The following CKB variants were observed in gnomAD, a reference collection of about 807,000 sequenced individuals.
The protein encoded by CKB is creatine kinase B, also known as creatine kinase B-type.
Under a neutral mutation model 36.9 loss-of-function variants are expected in CKB, and 15 were observed. That is an observed-to-expected ratio of 0.41 (90% confidence interval 0.27 to 0.63). The LOEUF (loss-of-function observed/expected upper bound fraction) is 0.63. Ranked by LOEUF, CKB falls within the 20% of genes least tolerant of loss-of-function variation. The pLI is 0.34. For missense variants in CKB, 413 were observed against 534.9 expected, an observed-to-expected ratio of 0.77 and a Z score of 2.25; for synonymous variants, 250 against 228.2, an observed-to-expected ratio of 1.10 and a Z score of -0.86.
At chr14:103,520,090 C>CCA in intron 7 of CKB, 32 bp downstream of exon 7, 1 of 1,602,898 alleles carries the variant, frequency 6.2e-7, no homozygotes, top group Non-Finnish European at 8.5e-7. Context: ...TGCCCAAAGG[C>CCA]CACGGGAAGC....
At chr14:103,521,222 G>C (rs1253217017) in intron 5 of CKB, 41 bp downstream of exon 5, 6 of 1,543,216 alleles carry the variant, frequency 3.9e-6, no homozygotes, top group Non-Finnish European at 4.4e-6. Flanking sequence ...GGAGGTAGCG[G>C]GGAGGGAGGA....
At chr14:103,521,989 G>GCCCCC in intron 3 of CKB, 34 bp downstream of exon 3, 27 of 1,542,752 alleles carry the variant, frequency 1.8e-5, no homozygotes, top group Non-Finnish European at 2.2e-5. Context: ...GAAGACCCCG[G>GCCCCC]CCCCGCCCGC....
rs753527319 is a variant in CKB, at chr14:103,521,415, GC to G, written c.500del (p.Gly167AlafsTer13). The G allele has an allele frequency of 2.5e-6, 4 of 1,601,736 alleles. No homozygotes were observed. In the African/African-American group the frequency reaches 5.4e-5, roughly 22 times the overall value. ...LAVEALSSLD[G>X]DLAGRYYALK... ...GCGCGTAGTATCGGCCCGCCAGGTC[GC>G]CGTCCAGGCTGGACAGGGCTGCGAG... On this transcript the variant is annotated frameshift_variant, in exon 5 of 8. Transcript: ENST00000348956. LOFTEE classifies it high-confidence loss of function.
chr14:103,520,743 G>GCGGGGGAAC (rs377185034), intron 5 of CKB, 151 bp from the exon 6 acceptor site: 1 of 1,129,926 alleles, frequency 8.9e-7, no homozygotes, highest in East Asian at 2.7e-5. Flanking sequence ...CACGGGGCGG[G>GCGGGGGAAC]CGGGGGAACC....
intron 4 of CKB, 100 bp downstream of exon 4, chr14:103,521,718 C>T (rs1035941297): frequency 1.6e-6 from 2 of 1,250,654 alleles, no homozygotes; most frequent in East Asian, 3.2e-5. Flanking sequence ...AAGAGCGCGA[C>T]GGCGGCTGCC....
chr14:103,521,104 G>A (rs1182860794), intron 5 of CKB, 159 bp downstream of exon 5: 2 of 914,302 alleles, frequency 2.2e-6, no homozygotes, highest in African/African-American at 1.6e-5. Flanking sequence ...CGCAGGAGGA[G>A]GCGCGGCACG....
At position 103,519,840 on chromosome 14, in the gene CKB, C is replaced by A; in HGVS notation, c.*24G>T. The A allele has an allele frequency of 6.3e-7, 1 of 1,578,138 alleles. No homozygotes were observed. Among genetic ancestry groups the A allele is most frequent in the South Asian group, 1.1e-5 (1 of 87,318 alleles). Reference sequence around the variant, plus strand: ...GGCAATAAGTTAGGAAGCAGCAGGGCTGGTGTCGGGTGTGGGCCGGGCTTC... The same window carrying A: ...GGCAATAAGTTAGGAAGCAGCAGGGATGGTGTCGGGTGTGGGCCGGGCTTC... On this transcript the variant is annotated 3_prime_UTR_variant, in exon 8 of 8. Transcript: ENST00000348956.
chr14:103,521,130 G>A (rs771562633), intron 5 of CKB, 133 bp downstream of exon 5: 26 of 1,128,194 alleles, frequency 2.3e-5, no homozygotes, highest in Non-Finnish European at 3.1e-5. Context: ...CAGACCCGGA[G>A]CGCGGCCGGC....
At position 103,522,285 on chromosome 14, in the gene CKB, C is replaced by T. The variant is rs1230339275; in HGVS notation, c.193+16G>A. On this transcript the variant is annotated intron_variant, in intron 2 of 7. Transcript: ENST00000348956. The surrounding 1 kb of genome is among the most constrained non-coding windows in gnomAD (Gnocchi z 6.7). Reference sequence around the variant, plus strand: ...GGGAGGGGGGGCCGGGACCCCGGCCCCGAGGGGTCGCGTACCCGGGTTGTC... The same window carrying T: ...GGGAGGGGGGGCCGGGACCCCGGCCTCGAGGGGTCGCGTACCCGGGTTGTC... 1.3e-6 allele frequency: 2 copies of T among 1,596,034 alleles called. No homozygotes were observed. Among genetic ancestry groups the T allele is most frequent in the Non-Finnish European group, 8.5e-7 (1 of 1,174,512 alleles).
chr14:103,522,697 G>A lies in CKB; in HGVS notation c.-13+69C>T, dbSNP rs2075913281. The A allele has an allele frequency of 6.0e-6, 1 of 165,806 alleles. No homozygotes were observed. Among genetic ancestry groups the A allele is most frequent in the Non-Finnish European group, 1.3e-5 (1 of 79,978 alleles). 10.3% of individuals were successfully genotyped at this position (165,806 alleles called of 1,614,324 possible). A position where few individuals can be genotyped will look rare whatever the true frequency, so the allele number is the denominator to read the frequency against. On this transcript the variant is annotated intron_variant, in intron 1 of 7. Coordinates refer to ENST00000348956, the MANE Select transcript of CKB (RefSeq NM_001823.5). This position sits in a 1 kb window ranked among gnomAD's most constrained non-coding sequence, Gnocchi z 6.7. ...GGCCGGTCCGGCGCGCGCTCCAGGC[G>A]ACGCGCCCCCTTTGCACGCAGCGCC...
In CKB at chr14:103,522,639, G is replaced by A; in HGVS notation, c.-13+127C>T. 2.3e-6 allele frequency: 1 copy of A among 425,576 alleles called. No individual in the cohort carries two copies. Among genetic ancestry groups the A allele is most frequent in the Non-Finnish European group, 3.5e-6 (1 of 282,130 alleles). The allele number at this position is 425,576 out of a possible 1,614,324, so 26.4% of individuals were successfully genotyped here. ...CCAAGGTCAGCGGGGTCCGCAGCGC[G>A]CGCGGGGAGCGCCATCATCGCCGGG... On this transcript the variant is annotated intron_variant, in intron 1 of 7. Transcript: ENST00000348956. The surrounding 1 kb of genome is among the most constrained non-coding windows in gnomAD (Gnocchi z 6.7).
chr14:103,521,754 G>C, intron 4 of CKB, 64 bp downstream of exon 4: 2 of 1,319,904 alleles, frequency 1.5e-6, no homozygotes, highest in Non-Finnish European at 1.9e-6. Context: ...AAACAAAAGC[G>C]GGCGGGGACC....
intron 4 of CKB, 35 bp downstream of exon 4, chr14:103,521,783 G>GC: frequency 7.4e-7 from 1 of 1,354,626 alleles, no homozygotes; most frequent in Non-Finnish European, 9.4e-7. Flanking sequence ...AGGGGGACGC[G>GC]GCCGCCGCCG....
intron 5 of CKB, chr14:103,521,054 G>A (rs2142230281): frequency 1.4e-6 from 1 of 715,800 alleles, no homozygotes; most frequent in South Asian, 1.5e-5. Flanking sequence ...ACGGGCCGGG[G>A]CCCAGTCCCT....
chr14:103,519,738 G>A lies in CKB; in HGVS notation c.*126C>T, dbSNP rs1298936097. ...CATCAAAAAAATAAACTCTACCAAG[G>A]GTGACGGAAGTCTCTACAGCAAGGC... On this transcript the variant is annotated 3_prime_UTR_variant, in exon 8 of 8. Transcript: ENST00000348956. 5.6e-6 allele frequency: 6 copies of A among 1,075,264 alleles called. No homozygotes were observed. The highest frequency in any genetic ancestry group is 8.0e-6 in the Non-Finnish European group (6 of 754,468). The allele number at this position is 1,075,264 out of a possible 1,614,324, so 66.6% of individuals were successfully genotyped here.
At position 103,522,011 on chromosome 14, in the gene CKB, G is replaced by A; in HGVS notation, c.348+12C>T. On this transcript the variant is annotated intron_variant, in intron 3 of 7. Coordinates refer to ENST00000348956, the MANE Select transcript of CKB (RefSeq NM_001823.5). The surrounding 1 kb of genome is among the most constrained non-coding windows in gnomAD (Gnocchi z 6.7). Reference sequence around the variant, plus strand: ...CCGGCCCCGCCCGCCCGGCCCGCCCGCAGCCCCGCACCTGCAGGTTGTCGG... The same window carrying A: ...CCGGCCCCGCCCGCCCGGCCCGCCCACAGCCCCGCACCTGCAGGTTGTCGG... 5 of 874,508 alleles carry A rather than the reference G, an allele frequency of 5.7e-6. No homozygotes were observed. Among genetic ancestry groups the A allele is most frequent in the Non-Finnish European group, 8.4e-6 (5 of 591,880 alleles). The allele number at this position is 874,508 out of a possible 1,614,324, so 54.2% of individuals were successfully genotyped here.
chr14:103,521,027 C>G, intron 5 of CKB: 1 of 653,628 alleles, frequency 1.5e-6, no homozygotes, highest in Non-Finnish European at 2.7e-6. Flanking sequence ...GGAGGTGTTG[C>G]TGAGTCCTGA....
rs762475613 is a variant in CKB, at chr14:103,520,491, C to T, written c.755G>A (p.Arg252His). The T allele has an allele frequency of 5.0e-6, 8 of 1,604,480 alleles. No homozygotes were observed. Among genetic ancestry groups the T allele is most frequent in the Non-Finnish European group, 6.8e-6 (8 of 1,175,526 alleles). ...KGGNMKEVFT[R>H]FCTGLTQIET... ...CACCTGGGTGAGGCCGGTGCAGAAG[C>T]GGGTGAACACCTCCTTCATGTTGCC... The change falls in exon 6 of 8, where the codon CGC (arginine) becomes CAC (histidine). Residue 252 changes from arginine to histidine, a missense_variant. By Grantham distance (29) the Arg-to-His change is conservative (BLOSUM62 0). Coordinates refer to ENST00000348956, the MANE Select transcript of CKB (RefSeq NM_001823.5).
Position 103,521,348 on chromosome 14 carries a change from C to A in CKB, c.568G>T (p.Asp190Tyr). The A allele has an allele frequency of 6.2e-7, 1 of 1,609,854 alleles. No individual in the cohort carries two copies. Among genetic ancestry groups the A allele is most frequent in the Non-Finnish European group, 8.5e-7 (1 of 1,179,366 alleles). The change falls in exon 5 of 8, where the codon GAC (aspartate) becomes TAC (tyrosine). Residue 190 changes from aspartate (D) to tyrosine (Y), a missense_variant. Asp to Tyr is a radical substitution (Grantham distance 160, BLOSUM62 -3). Transcript: ENST00000348956. ...ACGGGCTTGTCGAAGAGGAAGTGGT[C>A]GTCGATGAGCTGCTGCTGCTCCGCC... ...TEAEQQQLIDDHFLFDKPVSP... is the reference protein window; with the variant it reads ...TEAEQQQLIDYHFLFDKPVSP...
Sources: allele counts gnomAD v4.1 joint callset, GRCh38; gene constraint gnomAD v4.1.1; non-coding constraint Gnocchi (gnomAD v3.1); transcripts MANE v1.5; gene names NCBI Gene and HGNC (gene_info 2026-07-23, HGNC 2026-07-21).